Variants in SGSM2 observed in about 807,000 individuals in gnomAD.
SGSM2 encodes the protein small G protein signaling modulator 2.
Under a neutral mutation model 126.6 loss-of-function variants are expected in SGSM2, and 89 were observed. The ratio of observed to expected loss-of-function variants is 0.70; its 90% confidence interval spans 0.59 to 0.84. The LOEUF (loss-of-function observed/expected upper bound fraction) is 0.84, where lower values mean the gene tolerates loss of function less well. Ranked by LOEUF, SGSM2 falls within the 40% of genes least tolerant of loss-of-function variation. The pLI is 0.00. For synonymous variants in SGSM2, 614 were observed against 574.3 expected, an observed-to-expected ratio of 1.07 and a Z score of -0.99; for missense variants, 1,404 against 1,416.6, an observed-to-expected ratio of 0.99 and a Z score of 0.14.
In SGSM2 at chr17:2,361,523, C is replaced by T; in HGVS notation, c.134-114C>T. ...AAGGAAGCCAGGGTATCTCCCTGGCCTGCCCTTGGCTTGCCCTTACCCCTT... is the reference window on the plus strand; with the variant it reads ...AAGGAAGCCAGGGTATCTCCCTGGCTTGCCCTTGGCTTGCCCTTACCCCTT... On this transcript the variant is annotated intron_variant, in intron 2 of 23. Transcript: ENST00000268989. 3 of 1,323,606 alleles carry T rather than the reference C, an allele frequency of 2.3e-6. No homozygotes were observed. In the South Asian group the frequency reaches 3.9e-5, roughly 17 times the overall value. The allele number at this position is 1,323,606 out of a possible 1,614,324, so 82.0% of individuals were successfully genotyped here. A position where few individuals can be genotyped will look rare whatever the true frequency, so the allele number is the denominator to read the frequency against.
At chr17:2,338,791 C>T (rs1462622249) in intron 1 of SGSM2, among the ~76,000 whole-genome samples, 3 of 75,364 alleles carry the variant, frequency 4.0e-5, no homozygotes, top group African/African-American at 6.3e-5. Context: ...ATATATATAA[C>T]CTCACGCCTG....
At chr17:2,360,960 A>G (rs757082304) in intron 2 of SGSM2, among the ~76,000 whole-genome samples, 18 of 152,174 alleles carry the variant, frequency 1.2e-4, no homozygotes, top group Non-Finnish European at 2.4e-4. Flanking sequence ...CCCCACACAC[A>G]TACACACTCC....
At chr17:2,378,771 C>A (rs1418566590) in intron 22 of SGSM2, among the ~76,000 whole-genome samples, 2 of 152,184 alleles carry the variant, frequency 1.3e-5, no homozygotes, top group East Asian at 1.9e-4. Context: ...AAGGATGGGG[C>A]CTTGGTACGG....
intron 3 of SGSM2, 68 bp downstream of exon 3, chr17:2,361,867 G>T: frequency 6.6e-7 from 1 of 1,519,464 alleles, no homozygotes; most frequent in Non-Finnish European, 8.8e-7. Context: ...CTACTTCCTA[G>T]GACACCCATC....
chr17:2,379,435 G>A lies in SGSM2; in HGVS notation c.3071G>A (p.Arg1024His), dbSNP rs1267086557. ...AGCTCTTCACGTTTCCCCCCAGAACGTGCTGAGCATCACGATGCCCAGGAG... is the reference window on the plus strand; with the variant it reads ...AGCTCTTCACGTTTCCCCCCAGAACATGCTGAGCATCACGATGCCCAGGAG... Reference protein sequence around the residue: ...FTDIIKFFNERAEHHDAQEIL... With the variant: ...FTDIIKFFNEHAEHHDAQEIL... The change falls in exon 24 of 24, where the codon CGT becomes CAT. Residue 1024 changes from arginine to histidine, a missense_variant. Coordinates refer to ENST00000268989, the MANE Select transcript of SGSM2 (RefSeq NM_014853.3). 2 of 1,612,780 alleles carry A rather than the reference G, an allele frequency of 1.2e-6. No homozygotes were observed. Among genetic ancestry groups the A allele is most frequent in the East Asian group, 2.2e-5 (1 of 44,842 alleles).
Position 2,343,524 on chromosome 17 carries a change from A to G in SGSM2, c.58-21A>G, listed in dbSNP as rs1597306011. ...ATAAGGGAAAATAATAAAAGCAGTG[A>G]TGCTGTCCATGTGTCCGCAGGTGAA... On this transcript the variant is annotated intron_variant, in intron 1 of 23. Transcript: ENST00000268989. 1.5e-5 allele frequency: 25 copies of G among 1,613,014 alleles called. No homozygotes were observed. In the East Asian group the frequency reaches 5.3e-4, roughly 34 times the overall value.
rs754991188 is a variant in SGSM2 at position 2,372,978 on chromosome 17, G to A, written c.1814G>A (p.Arg605Gln). ...KKNYKELELL[R>Q]QVYYGGIEHE... ...AACTACAAAGAGCTGGAGCTGCTGC[G>A]GCAAGTTTACTACGGAGGCATAGAG... Residue 605 changes from arginine to glutamine, a missense_variant, in exon 16 of 24, where the codon CGG (arginine) becomes CAG (glutamine). Physicochemically the swap from Arg to Gln is conservative, Grantham distance 43. Coordinates refer to ENST00000268989, the MANE Select transcript of SGSM2 (RefSeq NM_014853.3). The surrounding 1 kb of genome is among the most constrained non-coding windows in gnomAD (Gnocchi z 6.0). 12 of 1,576,864 alleles carry A rather than the reference G, an allele frequency of 7.6e-6. No homozygotes were observed. Among genetic ancestry groups the A allele is most frequent in the South Asian group, 4.6e-5 (4 of 86,308 alleles).
chr17:2,379,897 A>G lies in SGSM2; in HGVS notation c.*377A>G. The G allele has an allele frequency of 7.7e-7, 1 of 1,295,232 alleles. No individual in the cohort carries two copies. The highest frequency in any genetic ancestry group is 9.8e-7 in the Non-Finnish European group (1 of 1,016,396). 80.2% of individuals were successfully genotyped at this position (1,295,232 alleles called of 1,614,324 possible). On this transcript the variant is annotated 3_prime_UTR_variant, in exon 24 of 24. Transcript: ENST00000268989. The stretch of plus-strand genomic sequence containing the variant: ...CAGGGGCTATAGCGGCCTGGGCCCT[A>G]CTCAGCTGGGGTGGCAGAGGGCGAG...
At chr17:2,374,972 A>T (rs368108645) in intron 17 of SGSM2, 2 of 152,456 alleles carry the variant, frequency 1.3e-5, no homozygotes, top group Non-Finnish European at 2.9e-5. Flanking sequence ...TCCTTCCTAC[A>T]TCTCCCCACC....
intron 2 of SGSM2, among the ~76,000 whole-genome samples, chr17:2,344,466 G>C (rs1334416500): frequency 1.3e-5 from 2 of 152,156 alleles, no homozygotes; most frequent in African/African-American, 4.8e-5. Flanking sequence ...ATAAGGGAAG[G>C]GATGCTTTGG....
chr17:2,377,795 T>C, intron 21 of SGSM2, 62 bp from the exon 22 acceptor site: 1 of 1,094,124 alleles, frequency 9.1e-7, no homozygotes, highest in South Asian at 1.3e-5. Flanking sequence ...GGACGGTGAG[T>C]GGCGGCCAGA....
rs1384407389 is a variant in SGSM2, at chr17:2,365,246, G to A, written c.1193G>A (p.Ser398Asn). The part of the protein sequence containing the change: ...GKVFPKLRKR[S>N]SIRSVDMEEM... Reference sequence around the variant, plus strand: ...GTGTTCCCCAAGCTACGGAAACGAAGCAGCATTCGCTCCGTGGATATGGAG... The same window carrying A: ...GTGTTCCCCAAGCTACGGAAACGAAACAGCATTCGCTCCGTGGATATGGAG... Residue 398 changes from serine to asparagine, a missense_variant, in exon 11 of 24, where the codon AGC (serine) becomes AAC (asparagine). Coordinates refer to ENST00000268989, the MANE Select transcript of SGSM2 (RefSeq NM_014853.3). The A allele has an allele frequency of 1.2e-6, 2 of 1,612,662 alleles. No homozygotes were observed. The highest frequency in any genetic ancestry group is 2.2e-5 in the South Asian group (2 of 90,762).
rs1314975446 is a variant in SGSM2, at chr17:2,376,177, T to C, written c.2525T>C (p.Ile842Thr). The C allele has an allele frequency of 1.9e-6, 3 of 1,613,936 alleles. No individual in the cohort carries two copies. Among genetic ancestry groups the C allele is most frequent in the African/African-American group, 1.3e-5 (1 of 74,900 alleles). The change falls in exon 19 of 24, where the codon ATA (isoleucine) becomes ACA (threonine). Residue 842 changes from isoleucine (I) to threonine (T), a missense_variant. Ile to Thr is a moderately conservative substitution (Grantham distance 89). Coordinates refer to ENST00000268989, the MANE Select transcript of SGSM2 (RefSeq NM_014853.3). ...ACTGTGGCCTTAAACCTGCACCGCATAGACAAGGATGTGCAGAGGTGTGAC... is the reference window on the plus strand; with the variant it reads ...ACTGTGGCCTTAAACCTGCACCGCACAGACAAGGATGTGCAGAGGTGTGAC... The part of the protein sequence containing the change: ...LDTVALNLHR[I>T]DKDVQRCDRN...
Position 2,367,422 on chromosome 17 carries a change from C to T in SGSM2, c.1423+17C>T. ...CGATGAAAGGTTCTTATCCCTCCCT[C>T]TCCCTGACCCACCTCATCCCCACCC... is the stretch of plus-strand genomic sequence containing the variant. On this transcript the variant is annotated intron_variant, in intron 12 of 23. Coordinates refer to ENST00000268989, the MANE Select transcript of SGSM2 (RefSeq NM_014853.3). This position sits in a 1 kb window ranked among gnomAD's most constrained non-coding sequence, Gnocchi z 4.0. 6.2e-7 allele frequency: 1 copy of T among 1,607,680 alleles called. No homozygotes were observed. Among genetic ancestry groups the T allele is most frequent in the Non-Finnish European group, 8.5e-7 (1 of 1,176,016 alleles).
At chr17:2,351,748 C>T (rs993819373) in intron 2 of SGSM2, among the ~76,000 whole-genome samples, 32 of 152,056 alleles carry the variant, frequency 2.1e-4, no homozygotes, top group African/African-American at 7.5e-4. Flanking sequence ...TTTGTAGAGA[C>T]GGGGTTTCGC....
At chr17:2,361,822 C>T in intron 3 of SGSM2, 23 bp downstream of exon 3, 1 of 1,569,618 alleles carries the variant, frequency 6.4e-7, no homozygotes, top group East Asian at 2.3e-5. Context: ...CCAGCCCCTT[C>T]TTCCCTCCTT....
Position 2,372,694 on chromosome 17 carries a change from A to T in SGSM2, c.1788+206A>T. 1 of 827,134 alleles carries T rather than the reference A, an allele frequency of 1.2e-6. No homozygotes were observed. Among genetic ancestry groups the T allele is most frequent in the Non-Finnish European group, 1.9e-6 (1 of 528,134 alleles). 51.2% of individuals were successfully genotyped at this position (827,134 alleles called of 1,614,324 possible). A position where few individuals can be genotyped will look rare whatever the true frequency, so the allele number is the denominator to read the frequency against. ...GACTGGGAAGCCGTCCTGCCTCCAC[A>T]TCGCCCTGTGACCCTGGACAAAGCT... is the stretch of plus-strand genomic sequence containing the variant. On this transcript the variant is annotated intron_variant, in intron 15 of 23. Coordinates refer to ENST00000268989, the MANE Select transcript of SGSM2 (RefSeq NM_014853.3). The surrounding 1 kb of genome is among the most constrained non-coding windows in gnomAD (Gnocchi z 6.0).
rs1008928591 is a variant in SGSM2, at chr17:2,363,659, C to G, written c.807+60C>G. The G allele has an allele frequency of 3.1e-6, 5 of 1,594,262 alleles. No individual in the cohort carries two copies. Among genetic ancestry groups the G allele is most frequent in the Non-Finnish European group, 4.3e-6 (5 of 1,167,890 alleles). The stretch of plus-strand genomic sequence containing the variant: ...GGTCCCCGAACGAGACGACTGGAAG[C>G]CTCTAGCCATGGCTATTCCTTTCCT... On this transcript the variant is annotated intron_variant, in intron 7 of 23. Transcript: ENST00000268989. This position sits in a 1 kb window ranked among gnomAD's most constrained non-coding sequence, Gnocchi z 4.2.
At position 2,363,451 on chromosome 17, in the gene SGSM2, G is replaced by A. The variant is rs771741102; in HGVS notation, c.673-14G>A. 5.1e-5 allele frequency: 82 copies of A among 1,612,544 alleles called. No individual in the cohort carries two copies. In the South Asian group the frequency reaches 8.5e-4, roughly 17 times the overall value. ...TTCCCAAGGCTGGAGGCTGAGCCCC[G>A]GCCTTCCACACAGATCCGGAAACGG... On this transcript the variant is annotated splice_polypyrimidine_tract_variant and intron_variant, in intron 6 of 23. Transcript: ENST00000268989. This position sits in a 1 kb window ranked among gnomAD's most constrained non-coding sequence, Gnocchi z 4.2.
Sources: gnomAD v4.1 joint callset for allele counts (sites outside exome capture counted in the v4.1 genomes callset) on GRCh38, gnomAD v4.1.1 for gene constraint, Gnocchi (gnomAD v3.1) non-coding constraint, MANE v1.5 for transcripts, NCBI Gene and HGNC (gene_info 2026-07-23, HGNC 2026-07-21) for gene names.